DOT1L: variants seen among roughly 807,000 people sequenced by gnomAD.
DOT1L encodes the protein DOT1 like histone lysine methyltransferase, also known as histone-lysine N-methyltransferase, H3 lysine-79 specific.
DOT1L carries 33 observed loss-of-function variants against 153.3 expected under a neutral mutation model. The observed-to-expected ratio is 0.22, with a 90% CI of 0.16 to 0.29. The LOEUF is 0.29. Among genes scored for constraint, DOT1L ranks in the 10% least tolerant of loss-of-function variants. DOT1L has a pLI of 1.00. For missense variants in DOT1L, 1,847 were observed against 2,119.9 expected (o/e 0.87, Z 2.53); for synonymous variants, 1,135 against 965.1 (o/e 1.18, Z -3.26).
intron 3 of DOT1L, 64 bp from the exon 4 acceptor site, chr19:2,189,668 T>C: frequency 6.4e-7 from 1 of 1,573,480 alleles, no homozygotes; most frequent in Admixed American, 1.7e-5. Flanking sequence ...CCACATGCTG[T>C]CCCCTCCCAT....
Position 2,222,225 on chromosome 19 carries a change from C to G in DOT1L, c.3056C>G (p.Pro1019Arg), listed in dbSNP as rs763100033. ...CGGCTTGGTGGGGCCGCCCAGGGCC[C>G]GTTGCCCGAGGCCAGCAAGGGAGAC... ...SPRLGGAAQG[P>R]LPEASKGDLP... Residue 1019 changes from proline to arginine, a missense_variant, in exon 24 of 28, where the codon CCG becomes CGG. This residue lies in a region of DOT1L where 934 missense variants were observed against 825.3 expected (regional missense o/e 1.13). Coordinates refer to ENST00000398665, the MANE Select transcript of DOT1L (RefSeq NM_032482.3). This position sits in a 1 kb window ranked among gnomAD's most constrained non-coding sequence, Gnocchi z 6.5. The G allele has an allele frequency of 6.2e-7, 1 of 1,613,142 alleles. No individual in the cohort carries two copies. The highest frequency in any genetic ancestry group is 8.5e-7 in the Non-Finnish European group (1 of 1,179,894).
rs375367280 is a variant in DOT1L at position 2,227,214 on chromosome 19, C to A, written c.4606+87C>A. 3.6e-4 allele frequency: 544 copies of A among 1,521,554 alleles called. 2 individuals carry two copies. The African/African-American group carries it at 6.1e-3, about 17-fold the overall frequency. The allele number at this position is 1,521,554 out of a possible 1,614,324, so 94.3% of individuals were successfully genotyped here. Reference sequence around the variant, plus strand: ...GCAGGTTCCCTTCCGCACTCTCTTGCAGCAGGAGCTGAGCTGCAGGTCCCC... The same window carrying A: ...GCAGGTTCCCTTCCGCACTCTCTTGAAGCAGGAGCTGAGCTGCAGGTCCCC... On this transcript the variant is annotated intron_variant, in intron 27 of 27. Transcript: ENST00000398665.
intron 16 of DOT1L, 44 bp downstream of exon 16, chr19:2,211,886 C>T: frequency 6.6e-7 from 1 of 1,514,112 alleles, no homozygotes; most frequent in South Asian, 1.2e-5. Context: ...CGCACAGAGG[C>T]AGTTCGTTCC....
At chr19:2,179,375 C>T (rs904723725) in intron 1 of DOT1L, among the ~76,000 whole-genome samples, 1 of 150,400 alleles carries the variant, frequency 6.6e-6, no homozygotes, top group Non-Finnish European at 1.5e-5. Context: ...GGGAGAGGCT[C>T]GCTGAGGCTG....
At chr19:2,176,833 T>C (rs1599538437) in intron 1 of DOT1L, among the ~76,000 whole-genome samples, 2 of 152,104 alleles carry the variant, frequency 1.3e-5, no homozygotes, top group African/African-American at 4.8e-5. Flanking sequence ...GGGAAGACGC[T>C]ATGGACAGAC....
At chr19:2,219,201 T>C (rs1379459453) in intron 22 of DOT1L, among the ~76,000 whole-genome samples, 1 of 152,006 alleles carries the variant, frequency 6.6e-6, no homozygotes, top group Non-Finnish European at 1.5e-5. Context: ...GAGGTGGAGG[T>C]TTTGCCCTGT....
chr19:2,191,294 G>A lies in DOT1L; in HGVS notation c.493+54G>A. On this transcript the variant is annotated intron_variant, in intron 5 of 27. Coordinates refer to ENST00000398665, the MANE Select transcript of DOT1L (RefSeq NM_032482.3). The surrounding 1 kb of genome is among the most constrained non-coding windows in gnomAD (Gnocchi z 6.8). ...TGTGCACTTCCAGGCCACACGCTCT[G>A]TGCCTGCCCCATGCCTGCTTGGAGA... is the stretch of plus-strand genomic sequence containing the variant. 6.4e-7 allele frequency: 1 copy of A among 1,551,090 alleles called. No homozygotes were observed. The highest frequency in any genetic ancestry group is 8.9e-7 in the Non-Finnish European group (1 of 1,125,412).
At chr19:2,228,081 C>G (rs762100839) in intron 27 of DOT1L, 9 of 1,332,934 alleles carry the variant, frequency 6.8e-6, no homozygotes, top group Non-Finnish European at 9.0e-6. Context: ...CGCGTCCCTC[C>G]CGCCTAACCA....
intron 4 of DOT1L, 81 bp downstream of exon 4, chr19:2,189,876 G>A (rs1280536610): frequency 1.6e-5 from 23 of 1,475,816 alleles, no homozygotes; most frequent in African/African-American, 5.5e-5. Context: ...TCACCGCCTC[G>A]GGGCACAGAG....
chr19:2,165,464 C>T (rs888611855), intron 1 of DOT1L, among the ~76,000 whole-genome samples: 6 of 152,184 alleles, frequency 3.9e-5, no homozygotes, highest in Admixed American at 1.3e-4. Context: ...GGGGTAGGGC[C>T]CTGGGGCTCT....
intron 27 of DOT1L, chr19:2,227,578 G>A (rs1340315258): frequency 9.7e-6 from 8 of 825,350 alleles, no homozygotes; most frequent in Middle Eastern, 5.0e-4. Flanking sequence ...GGCGGAGGGC[G>A]GGCCACCACG....
At chr19:2,228,297 G>C (rs1023878585) in intron 27 of DOT1L, 1 of 1,351,152 alleles carries the variant, frequency 7.4e-7, no homozygotes, top group Non-Finnish European at 9.8e-7. Flanking sequence ...GGTGTCCCTC[G>C]GCATGCCGCC....
chr19:2,221,936 C>T (rs1193286247), intron 23 of DOT1L, 40 bp from the exon 24 acceptor site: 8 of 1,540,768 alleles, frequency 5.2e-6, no homozygotes, highest in Non-Finnish European at 7.0e-6. Context: ...TCTCTTTGGC[C>T]ATCCTGTGTC....
At chr19:2,178,517 A>G (rs1475531235) in intron 1 of DOT1L, among the ~76,000 whole-genome samples, 1 of 147,554 alleles carries the variant, frequency 6.8e-6, no homozygotes, top group East Asian at 2.0e-4. Flanking sequence ...TCCCGGGTTC[A>G]CGCCATTCTC....
intron 16 of DOT1L, 173 bp downstream of exon 16, chr19:2,212,015 TGA>T (rs2144841273): frequency 1.6e-6 from 1 of 613,148 alleles, no homozygotes; most frequent in Admixed American, 3.2e-5. Flanking sequence ...AAGAATGGAC[TGA>T]GAGACCCGGA....
At chr19:2,194,904 G>A (rs1324835267) in intron 7 of DOT1L, among the ~76,000 whole-genome samples, 5 of 152,160 alleles carry the variant, frequency 3.3e-5, no homozygotes, top group East Asian at 1.9e-4. Context: ...GGCTGGCTGC[G>A]GCATCCTTGG....
chr19:2,166,038 G>C (rs2019906028), intron 1 of DOT1L, among the ~76,000 whole-genome samples: 1 of 151,998 alleles, frequency 6.6e-6, no homozygotes, highest in Admixed American at 6.6e-5. Flanking sequence ...CCAAAGTGCT[G>C]GGATTACAGG....
intron 2 of DOT1L, among the ~76,000 whole-genome samples, chr19:2,181,780 C>G (rs113055109): frequency 6.6e-6 from 1 of 151,814 alleles, no homozygotes; most frequent in Non-Finnish European, 1.5e-5. Flanking sequence ...CCAGCCCCAG[C>G]CCCAGCCCCA....
At position 2,190,988 on chromosome 19, in the gene DOT1L, G is replaced by C; in HGVS notation, c.265-24G>C. ...CTGGGCCGTGAGGTTTATGTGACAT[G>C]GCCGGGCCACCCTCCGTCCGCAGTG... On this transcript the variant is annotated intron_variant, in intron 4 of 27. Transcript: ENST00000398665. This position sits in a 1 kb window ranked among gnomAD's most constrained non-coding sequence, Gnocchi z 4.8. 6.4e-7 allele frequency: 1 copy of C among 1,570,922 alleles called. No individual in the cohort carries two copies. The highest frequency in any genetic ancestry group is 1.1e-5 in the South Asian group (1 of 87,192).
Sources: gnomAD v4.1 joint callset for allele counts (sites outside exome capture counted in the v4.1 genomes callset) on GRCh38, gnomAD v4.1.1 for gene constraint, gnomAD v4.1.1 regional missense constraint, Gnocchi (gnomAD v3.1) non-coding constraint, MANE v1.5 for transcripts, NCBI Gene and HGNC (gene_info 2026-07-23, HGNC 2026-07-21) for gene names.